Variants in TAFA1 observed in about 807,000 individuals in gnomAD.
The protein encoded by TAFA1 is TAFA chemokine like family member 1.
Under a neutral mutation model 18.5 loss-of-function variants are expected in TAFA1, and 4 were observed. The observed-to-expected ratio is 0.22, with a 90% CI of 0.11 to 0.49. The LOEUF is 0.49. Among genes scored for constraint, TAFA1 ranks in the 20% least tolerant of loss-of-function variants. The pLI is 0.98. For synonymous variants in TAFA1, 56 were observed against 55.2 expected, an observed-to-expected ratio of 1.01 and a Z score of -0.06; for missense variants, 147 against 169.0, an observed-to-expected ratio of 0.87 and a Z score of 0.72.
intron 2 of TAFA1, among the ~76,000 whole-genome samples, chr3:68,036,119 G>C (rs965436423): frequency 2.6e-5 from 4 of 152,094 alleles, no homozygotes; most frequent in African/African-American, 7.2e-5. Flanking sequence ...TGAATTTGTT[G>C]AAACTCATGA....
intron 3 of TAFA1, among the ~76,000 whole-genome samples, chr3:68,466,263 C>G (rs2071882877): frequency 6.6e-6 from 1 of 152,072 alleles, no homozygotes; most frequent in African/African-American, 2.4e-5. Context: ...AGTGGCTGAT[C>G]TGTTGCTCTA....
chr3:68,468,322 G>A (rs1272585185), intron 3 of TAFA1, among the ~76,000 whole-genome samples: 1 of 152,164 alleles, frequency 6.6e-6, no homozygotes, highest in Non-Finnish European at 1.5e-5. Flanking sequence ...CTCTGAAAAT[G>A]GCATAGAGGT....
chr3:68,006,083 A>G (rs1174654316), intron 1 of TAFA1: 1 of 153,588 alleles, frequency 6.5e-6, no homozygotes, highest in Admixed American at 6.4e-5. Context: ...TCTTAGGTCC[A>G]GTCAAAAGGA....
chr3:68,164,158 T>C (rs1252995250), intron 2 of TAFA1, among the ~76,000 whole-genome samples: 1 of 152,250 alleles, frequency 6.6e-6, no homozygotes, highest in African/African-American at 2.4e-5. Flanking sequence ...TGCAGTTCAC[T>C]GCTGAGTCAG....
intron 2 of TAFA1, among the ~76,000 whole-genome samples, chr3:68,255,947 T>C (rs1214293717): frequency 2.0e-5 from 3 of 152,152 alleles, no homozygotes; most frequent in Non-Finnish European, 2.9e-5. Context: ...TGTGAATGAA[T>C]TAATTTGTTA....
At chr3:68,438,139 G>C (rs2071298252) in intron 3 of TAFA1, among the ~76,000 whole-genome samples, 1 of 152,082 alleles carries the variant, frequency 6.6e-6, no homozygotes, top group Non-Finnish European at 1.5e-5. Context: ...TGGGCAGATT[G>C]CTTGAGCCCA....
At chr3:68,324,210 TTG>T (rs550546948) in intron 2 of TAFA1, among the ~76,000 whole-genome samples, 18 of 152,326 alleles carry the variant, frequency 1.2e-4, no homozygotes, top group African/African-American at 4.3e-4. Context: ...AGTTTGTGGA[TTG>T]TGTTTGTTTT....
At chr3:68,396,424 C>T (rs1236280903) in intron 2 of TAFA1, among the ~76,000 whole-genome samples, 3 of 152,112 alleles carry the variant, frequency 2.0e-5, no homozygotes, top group African/African-American at 7.2e-5. Context: ...CAACTTCTAG[C>T]ACTACAGGTT....
At chr3:68,137,225 T>C (rs1234531098) in intron 2 of TAFA1, among the ~76,000 whole-genome samples, 3 of 152,112 alleles carry the variant, frequency 2.0e-5, no homozygotes, top group Non-Finnish European at 2.9e-5. Context: ...CTTCAAACTA[T>C]TTCATATAGA....
At chr3:68,125,496 A>G (rs2065453334) in intron 2 of TAFA1, among the ~76,000 whole-genome samples, 1 of 152,182 alleles carries the variant, frequency 6.6e-6, no homozygotes, top group South Asian at 2.1e-4. Flanking sequence ...GAGCTAAATG[A>G]TGTTCTAAAT....
intron 2 of TAFA1, among the ~76,000 whole-genome samples, chr3:68,217,618 C>T (rs2066675388): frequency 6.6e-6 from 1 of 151,942 alleles, no homozygotes; most frequent in African/African-American, 2.4e-5. Flanking sequence ...GTGTACCATA[C>T]TAATACTAAT....
Position 68,262,346 on chromosome 3 carries a change from TATA to T in TAFA1, c.119-154933_119-154931del, listed in dbSNP as rs1559585979. 6.3e-4 allele frequency among the ~76,000 whole-genome samples: 61 copies of T among 97,118 alleles called. 1 individual carries two copies. The highest frequency in any genetic ancestry group is 1.1e-3 in the Admixed American group (8 of 7,532). The allele number at this position is 97,118 out of a possible 152,430, so 63.7% of individuals were successfully genotyped here. A position where few individuals can be genotyped will look rare whatever the true frequency, so the allele number is the denominator to read the frequency against. ...ATATATATATATATATATATATATA[TATA>T]TATATATATTTCATGGGTATATTGA... On this transcript the variant is annotated intron_variant, in intron 2 of 4. Transcript: ENST00000478136.
intron 3 of TAFA1, among the ~76,000 whole-genome samples, chr3:68,527,688 C>G (rs1383664917): frequency 2.0e-5 from 3 of 151,934 alleles, no homozygotes; most frequent in Non-Finnish European, 2.9e-5. Context: ...TGCAGAGTTC[C>G]AAAAAGAGAC....
intron 3 of TAFA1, among the ~76,000 whole-genome samples, chr3:68,468,889 C>G (rs898189126): frequency 6.6e-6 from 1 of 152,142 alleles, no homozygotes. Flanking sequence ...TTAGAAACTG[C>G]CAACTCATCA....
chr3:68,223,533 A>G (rs377379574), intron 2 of TAFA1, among the ~76,000 whole-genome samples: 1 of 149,866 alleles, frequency 6.7e-6, no homozygotes, highest in Non-Finnish European at 1.5e-5. Flanking sequence ...TGTTAGGACC[A>G]TTTTTTTTTT....
At chr3:68,161,360 G>T (rs1178266925) in intron 2 of TAFA1, among the ~76,000 whole-genome samples, 1 of 152,074 alleles carries the variant, frequency 6.6e-6, no homozygotes, top group Non-Finnish European at 1.5e-5. Context: ...GTACAGTGGG[G>T]GTTCTCAAAG....
At chr3:68,042,957 G>A (rs144573069) in intron 2 of TAFA1, among the ~76,000 whole-genome samples, 4,264 of 152,030 alleles carry the variant, frequency 0.028, 84 homozygotes, top group East Asian at 0.1. Flanking sequence ...GCACGGTCTC[G>A]GCTCACTGCA....
chr3:68,079,109 G>A (rs182399145), intron 2 of TAFA1, among the ~76,000 whole-genome samples: 1 of 152,138 alleles, frequency 6.6e-6, no homozygotes, highest in African/African-American at 2.4e-5. Context: ...AGAGGTGTTT[G>A]TAGTATTCTC....
intron 2 of TAFA1, among the ~76,000 whole-genome samples, chr3:68,377,286 A>G (rs953705232): frequency 1.3e-5 from 2 of 152,182 alleles, no homozygotes; most frequent in Non-Finnish European, 2.9e-5. Flanking sequence ...GGAACTTCCT[A>G]GAGACTTGTT....
Sources: allele counts gnomAD v4.1 joint callset (sites outside exome capture counted in the v4.1 genomes callset), GRCh38; gene constraint gnomAD v4.1.1; transcripts MANE v1.5; gene names NCBI Gene and HGNC (gene_info 2026-07-23, HGNC 2026-07-21).